KDM4B: variants seen among roughly 807,000 people sequenced by gnomAD.
The protein encoded by KDM4B is lysine demethylase 4B.
A neutral mutation model predicts 125.2 loss-of-function variants in KDM4B; 32 were observed. That is an observed-to-expected ratio of 0.26 (90% CI 0.19 to 0.34). KDM4B has a LOEUF of 0.34. Ranked by LOEUF, KDM4B falls within the 10% of genes least tolerant of loss-of-function variation. The probability of loss-of-function intolerance (pLI) is 1.00; values close to 1 mark genes in which losing one functional copy is unlikely to be tolerated. For missense variants in KDM4B, 1,190 were observed against 1,577.7 expected, an observed-to-expected ratio of 0.75 and a Z score of 4.16; for synonymous variants, 721 against 677.9, an observed-to-expected ratio of 1.06 and a Z score of -0.99.
intron 5 of KDM4B, among the ~76,000 whole-genome samples, chr19:5,042,629 C>T (rs977167509): frequency 5.3e-5 from 8 of 151,576 alleles, no homozygotes; most frequent in Middle Eastern, 3.4e-3. Context: ...AACTTAGAGT[C>T]GTGGCAAAGG....
chr19:5,118,875 C>T (rs1222026658), intron 10 of KDM4B, among the ~76,000 whole-genome samples: 1 of 152,220 alleles, frequency 6.6e-6, no homozygotes, highest in Non-Finnish European at 1.5e-5. Flanking sequence ...GGATGCGCCT[C>T]CTCTTGGCCC....
chr19:5,123,498 C>A (rs556074023), intron 11 of KDM4B, among the ~76,000 whole-genome samples: 1 of 152,240 alleles, frequency 6.6e-6, no homozygotes, highest in Non-Finnish European at 1.5e-5. Context: ...TAACTCATTC[C>A]GTCTGCAGTG....
intron 10 of KDM4B, 136 bp downstream of exon 10, chr19:5,110,954 C>A (rs998909365): frequency 7.4e-6 from 5 of 675,602 alleles, no homozygotes; most frequent in African/African-American, 7.3e-5. Flanking sequence ...TCCCACCCCG[C>A]CTCCTCTTTC....
intron 11 of KDM4B, 96 bp downstream of exon 11, chr19:5,119,948 G>A (rs1007877253): frequency 1.2e-5 from 17 of 1,402,742 alleles, no homozygotes; most frequent in East Asian, 7.5e-5. Context: ...CAGAGTCCCC[G>A]TTTTGTAAGA....
chr19:5,145,308 C>T (rs138163565), intron 21 of KDM4B, among the ~76,000 whole-genome samples: 26 of 152,002 alleles, frequency 1.7e-4, no homozygotes, highest in African/African-American at 5.1e-4. Flanking sequence ...AGACCGGGCA[C>T]GGTGGCTCAC....
chr19:5,111,689 C>A, intron 10 of KDM4B: 1 of 739,582 alleles, frequency 1.4e-6, no homozygotes, highest in Non-Finnish European at 2.5e-6. Flanking sequence ...TGAGCTGGAG[C>A]CGGGAGGGAC....
At chr19:5,099,415 A>T (rs377250705) in intron 9 of KDM4B, among the ~76,000 whole-genome samples, 1 of 152,216 alleles carries the variant, frequency 6.6e-6, no homozygotes, top group African/African-American at 2.4e-5. Context: ...TGTGCAAGAC[A>T]ATTGAAATAT....
rs1352329519 is a variant in KDM4B, at chr19:5,015,000, A to C, written c.-108-1257A>C. Among the ~76,000 whole-genome samples, 3 of 151,838 alleles carry C rather than the reference A, an allele frequency of 2.0e-5. No homozygotes were observed. The South Asian group carries it at 6.2e-4, about 32-fold the overall frequency. On this transcript the variant is annotated intron_variant, in intron 1 of 22. Coordinates refer to ENST00000159111, the MANE Select transcript of KDM4B (RefSeq NM_015015.3). Reference sequence around the variant, plus strand: ...ACAGAGCGAGAGTCCGTCTCAAAAAAAAAAAAAAAAGTACAACAAAACCAG... The same window carrying C: ...ACAGAGCGAGAGTCCGTCTCAAAAACAAAAAAAAAAGTACAACAAAACCAG...
At chr19:5,010,836 T>C (rs1228231630) in intron 1 of KDM4B, among the ~76,000 whole-genome samples, 1 of 152,048 alleles carries the variant, frequency 6.6e-6, no homozygotes, top group Non-Finnish European at 1.5e-5. Flanking sequence ...TTAGTAGAGA[T>C]GGGGTTTCAC....
chr19:5,083,345 G>C (rs973713799), intron 9 of KDM4B, among the ~76,000 whole-genome samples: 1 of 152,180 alleles, frequency 6.6e-6, no homozygotes, highest in Non-Finnish European at 1.5e-5. Context: ...CTCCCCCATG[G>C]TCTCTGCCTT....
intron 9 of KDM4B, among the ~76,000 whole-genome samples, chr19:5,089,978 G>A (rs1464820552): frequency 1.3e-5 from 2 of 152,146 alleles, no homozygotes; most frequent in South Asian, 2.1e-4. Context: ...AGACCGGCCT[G>A]GGCAACATAG....
intron 14 of KDM4B, among the ~76,000 whole-genome samples, chr19:5,135,077 C>G (rs981221160): frequency 3.3e-5 from 5 of 152,218 alleles, no homozygotes; most frequent in African/African-American, 1.2e-4. Context: ...CCACACAGGC[C>G]AGCCTGAGCT....
Position 5,152,029 on chromosome 19 carries a change from T to TTTTTGTTG in KDM4B, c.*521_*528dup, listed in dbSNP as rs1283510353. 1 of 152,352 alleles carries TTTTTGTTG rather than the reference T, an allele frequency of 6.6e-6. No individual in the cohort carries two copies. Among genetic ancestry groups the TTTTTGTTG allele is most frequent in the Admixed American group, 6.5e-5 (1 of 15,288 alleles). 9.4% of individuals were successfully genotyped at this position (152,352 alleles called of 1,614,324 possible). A position where few individuals can be genotyped will look rare whatever the true frequency, so the allele number is the denominator to read the frequency against. On this transcript the variant is annotated 3_prime_UTR_variant, in exon 23 of 23. Coordinates refer to ENST00000159111, the MANE Select transcript of KDM4B (RefSeq NM_015015.3). ...TGAGAGGTCAGAGCATCTCGCTGTT[T>TTTTTGTTG]TTTTGTTGTTGTTTTAAAATATTAT...
At chr19:5,138,741 G>A (rs1002163155) in intron 18 of KDM4B, among the ~76,000 whole-genome samples, 5 of 152,114 alleles carry the variant, frequency 3.3e-5, no homozygotes, top group African/African-American at 4.8e-5. Context: ...CATTCACCAC[G>A]GGCCCAGTGG....
chr19:5,091,619 C>G (rs2038706431), intron 9 of KDM4B, among the ~76,000 whole-genome samples: 1 of 152,174 alleles, frequency 6.6e-6, no homozygotes, highest in Admixed American at 6.5e-5. Context: ...CTGTAAAATT[C>G]AAACCAAATT....
At chr19:5,124,081 G>A (rs904123673) in intron 11 of KDM4B, among the ~76,000 whole-genome samples, 22 of 152,130 alleles carry the variant, frequency 1.4e-4, no homozygotes, top group Admixed American at 1.4e-3. Flanking sequence ...CCCTTCTCAC[G>A]AGTCAGAACG....
chr19:5,037,758 C>T (rs1008660458), intron 3 of KDM4B, among the ~76,000 whole-genome samples: 5 of 152,338 alleles, frequency 3.3e-5, no homozygotes, highest in African/African-American at 7.2e-5. Context: ...CACCCTCAGT[C>T]GTGAAAGCCA....
intron 1 of KDM4B, among the ~76,000 whole-genome samples, chr19:4,992,525 G>A (rs990502469): frequency 6.6e-6 from 1 of 151,776 alleles, no homozygotes; most frequent in African/African-American, 2.4e-5. Context: ...ACAAATCACT[G>A]CAGCCTTGAC....
At chr19:5,051,828 C>T (rs948931444) in intron 6 of KDM4B, among the ~76,000 whole-genome samples, 2 of 152,194 alleles carry the variant, frequency 1.3e-5, no homozygotes, top group African/African-American at 4.8e-5. Context: ...TCCCCCATTG[C>T]CCCAGGCAGG....
Sources: allele counts gnomAD v4.1 joint callset (sites outside exome capture counted in the v4.1 genomes callset), GRCh38; gene constraint gnomAD v4.1.1; transcripts MANE v1.5; gene names NCBI Gene and HGNC (gene_info 2026-07-23, HGNC 2026-07-21).